Variants in ALDH16A1 observed in about 807,000 individuals in gnomAD.
The protein encoded by ALDH16A1 is aldehyde dehydrogenase family 16 member A1.
In ALDH16A1, 88 loss-of-function variants were observed where a neutral mutation model predicts 96.1. That is an observed-to-expected ratio of 0.92 (90% confidence interval 0.77 to 1.09). ALDH16A1 has a LOEUF of 1.09. ALDH16A1 is among the 50% of genes least tolerant of loss of function. The pLI is 0.00. For synonymous variants in ALDH16A1, 522 were observed against 496.4 expected (o/e 1.05, Z -0.69); for missense variants, 1,250 against 1,112.6 (o/e 1.12, Z -1.76).
At position 49,466,912 on chromosome 19, in the gene ALDH16A1, C is replaced by T. The variant is rs867121121; in HGVS notation, c.1938+629C>T. On this transcript the variant is annotated intron_variant, in intron 14 of 16. Transcript: ENST00000293350. ...CCTGGCCAGACATGGTGGCTCACGCCTGTAATCCTAGCACTTTGGGAGGCA... is the reference window on the plus strand; with the variant it reads ...CCTGGCCAGACATGGTGGCTCACGCTTGTAATCCTAGCACTTTGGGAGGCA... 3.3e-5 allele frequency among the ~76,000 whole-genome samples: 5 copies of T among 151,900 alleles called. No homozygotes were observed. In the South Asian group the frequency reaches 8.3e-4, roughly 25 times the overall value.
In ALDH16A1 at chr19:49,462,006, C is replaced by T. The variant is rs752529518; in HGVS notation, c.882C>T (p.Val294=). 1.4e-5 allele frequency: 22 copies of T among 1,544,522 alleles called. No individual in the cohort carries two copies. Among genetic ancestry groups the T allele is most frequent in the African/African-American group, 4.1e-5 (3 of 73,104 alleles). The change falls in exon 7 of 17, where the codon GTC becomes GTT. Residue 294 remains valine (V), a synonymous_variant. Coordinates refer to ENST00000293350, the MANE Select transcript of ALDH16A1 (RefSeq NM_153329.4). ...TADVDSAVEG[V]VDAAWSDRGP... is the part of the protein sequence containing the mutation. ...ACGTAGACTCGGCCGTGGAGGGTGTCGTGGACGCCGCCTGGTCCGACCGCG... is the reference window on the plus strand; with the variant it reads ...ACGTAGACTCGGCCGTGGAGGGTGTTGTGGACGCCGCCTGGTCCGACCGCG...
chr19:49,458,008 G>C (rs1234794970), intron 1 of ALDH16A1, among the ~76,000 whole-genome samples: 1 of 152,062 alleles, frequency 6.6e-6, no homozygotes, highest in Non-Finnish European at 1.5e-5. Flanking sequence ...GAGGTCAGGA[G>C]TTCAAGACCA....
At position 49,453,229 on chromosome 19, in the gene ALDH16A1, C is replaced by G; in HGVS notation, c.-103C>G. The G allele has an allele frequency of 2.8e-6, 3 of 1,062,194 alleles. No homozygotes were observed. Among genetic ancestry groups the G allele is most frequent in the Non-Finnish European group, 4.0e-6 (3 of 752,848 alleles). 65.8% of individuals were successfully genotyped at this position (1,062,194 alleles called of 1,614,324 possible). A position where few individuals can be genotyped will look rare whatever the true frequency, so the allele number is the denominator to read the frequency against. ...TAGCCCCACCCCATTCCCATTAGCCCCGCCCCTTTGGGCTGGAACCGGAGG... is the reference window on the plus strand; with the variant it reads ...TAGCCCCACCCCATTCCCATTAGCCGCGCCCCTTTGGGCTGGAACCGGAGG... On this transcript the variant is annotated 5_prime_UTR_variant, in exon 1 of 17. Transcript: ENST00000293350.
intron 1 of ALDH16A1, among the ~76,000 whole-genome samples, chr19:49,456,515 G>A (rs147362951): frequency 0.02 from 2,997 of 152,242 alleles, 77 homozygotes; most frequent in Admixed American, 0.072. Flanking sequence ...CTCCTGACTA[G>A]CTGAGACTAC....
At chr19:49,453,500 T>A in intron 1 of ALDH16A1, 79 bp downstream of exon 1, 6 of 1,309,824 alleles carry the variant, frequency 4.6e-6, no homozygotes, top group Non-Finnish European at 6.2e-6. Flanking sequence ...AGTCCCGTCA[T>A]CCACTGCGGT....
In ALDH16A1 at chr19:49,465,849, G is replaced by C. The variant is rs1193556835; in HGVS notation, c.1680G>C (p.Glu560Asp). Residue 560 changes from glutamate to aspartate, a missense_variant, in exon 13 of 17, where the codon GAG (glutamate) becomes GAC (aspartate). Coordinates refer to ENST00000293350, the MANE Select transcript of ALDH16A1 (RefSeq NM_153329.4). ...GCAACCTCCATGGCTACGTGGCTGA[G>C]GGTGGAGCCAAGGACATCCGAGGTG... ...SSGNLHGYVAEGGAKDIRGAV... is the reference protein window; with the variant it reads ...SSGNLHGYVADGGAKDIRGAV... 6.2e-7 allele frequency: 1 copy of C among 1,614,114 alleles called. No homozygotes were observed. Among genetic ancestry groups the C allele is most frequent in the South Asian group, 1.1e-5 (1 of 91,086 alleles).
chr19:49,460,996 G>A (rs137875469), intron 5 of ALDH16A1, 97 bp downstream of exon 5: 3 of 1,333,794 alleles, frequency 2.2e-6, no homozygotes, highest in Non-Finnish European at 3.2e-6. Flanking sequence ...GGGGCTGGAG[G>A]CCTGGACTCT....
Position 49,464,227 on chromosome 19 carries a change from G to A in ALDH16A1, c.1295G>A (p.Ser432Asn), listed in dbSNP as rs199807886. The stretch of plus-strand genomic sequence containing the variant: ...CGCGGGGGCAGCGCCAGTGTGTGGA[G>A]CGAGAGGCTGGGGCAGGCGCTGGAG... Reference protein sequence around the residue: ...TPRGGSASVWSERLGQALELG... With the variant: ...TPRGGSASVWNERLGQALELG... The change falls in exon 10 of 17, where the codon AGC becomes AAC. Residue 432 changes from serine (S) to asparagine (N), a missense_variant. Transcript: ENST00000293350. 2.2e-5 allele frequency: 36 copies of A among 1,604,418 alleles called. No homozygotes were observed. The highest frequency in any genetic ancestry group is 3.3e-5 in the Admixed American group (2 of 59,862).
chr19:49,459,229 C>A lies in ALDH16A1; in HGVS notation c.320+143C>A, dbSNP rs936583729. The stretch of plus-strand genomic sequence containing the variant: ...ATTCCCAGTATGTGCTGGAGGCAGT[C>A]GTGGCTGAAACATGCATCCGTTGTC... On this transcript the variant is annotated intron_variant, in intron 3 of 16. Transcript: ENST00000293350. This position sits in a 1 kb window ranked among gnomAD's most constrained non-coding sequence, Gnocchi z 4.1. The A allele has an allele frequency of 7.5e-7, 1 of 1,333,238 alleles. No homozygotes were observed. Among genetic ancestry groups the A allele is most frequent in the Non-Finnish European group, 1.0e-6 (1 of 995,942 alleles). The allele number at this position is 1,333,238 out of a possible 1,614,324, so 82.6% of individuals were successfully genotyped here.
rs1355645500 is a variant in ALDH16A1 at position 49,466,083 on chromosome 19, T to C, written c.1738T>C (p.Trp580Arg). 2 of 1,541,960 alleles carry C rather than the reference T, an allele frequency of 1.3e-6. No homozygotes were observed. The highest frequency in any genetic ancestry group is 3.9e-5 in the Admixed American group (2 of 50,840). The change falls in exon 14 of 17, where the codon TGG (tryptophan) becomes CGG (arginine). Residue 580 changes from tryptophan to arginine, a missense_variant and splice_region_variant. Transcript: ENST00000293350. ...VEAAHQAFPG[W>R]AGQSPGARAA... ...CCACTGTGCGCTGTCTGCCCACAGC[T>C]GGGCGGGCCAGTCCCCAGGAGCCCG...
chr19:49,453,243 T>A lies in ALDH16A1; in HGVS notation c.-89T>A. ...TCCCATTAGCCCCGCCCCTTTGGGC[T>A]GGAACCGGAGGTGTCGCTCTTCGGA... On this transcript the variant is annotated 5_prime_UTR_variant, in exon 1 of 17. Coordinates refer to ENST00000293350, the MANE Select transcript of ALDH16A1 (RefSeq NM_153329.4). 8.1e-7 allele frequency: 1 copy of A among 1,227,596 alleles called. No individual in the cohort carries two copies. Among genetic ancestry groups the A allele is most frequent in the South Asian group, 1.5e-5 (1 of 67,400 alleles). The allele number at this position is 1,227,596 out of a possible 1,614,324, so 76.0% of individuals were successfully genotyped here.
At chr19:49,461,557 G>C in intron 5 of ALDH16A1, 62 bp from the exon 6 acceptor site, 1 of 1,184,444 alleles carries the variant, frequency 8.4e-7, no homozygotes, top group African/African-American at 1.6e-5. Context: ...CAGATTCCTG[G>C]GTCTGAGGGA....
chr19:49,468,708 A>C lies in ALDH16A1; in HGVS notation c.2124+142A>C. ...CCCCAGCCCCAGCACCCAAACCTTC[A>C]CTCCTTGGGGACCCAGTGCCCATTC... is the stretch of plus-strand genomic sequence containing the variant. On this transcript the variant is annotated intron_variant, in intron 15 of 16. Coordinates refer to ENST00000293350, the MANE Select transcript of ALDH16A1 (RefSeq NM_153329.4). This position sits in a 1 kb window ranked among gnomAD's most constrained non-coding sequence, Gnocchi z 4.4. The C allele has an allele frequency of 7.4e-7, 1 of 1,348,262 alleles. No homozygotes were observed. Among genetic ancestry groups the C allele is most frequent in the South Asian group, 1.4e-5 (1 of 73,328 alleles). 83.5% of individuals were successfully genotyped at this position (1,348,262 alleles called of 1,614,324 possible).
In ALDH16A1 at chr19:49,453,907, C is replaced by T. The variant is rs1055212306; in HGVS notation, c.90+486C>T. Among the ~76,000 whole-genome samples the T allele has an allele frequency of 2.6e-5, 4 of 152,236 alleles. No homozygotes were observed. In the South Asian group the frequency reaches 8.3e-4, roughly 32 times the overall value. On this transcript the variant is annotated intron_variant, in intron 1 of 16. Coordinates refer to ENST00000293350, the MANE Select transcript of ALDH16A1 (RefSeq NM_153329.4). ...TTTGATTACCCAGAGACCTTCAGAA[C>T]TTCCATGGAGCCCCCGTGATCCCAT... is the stretch of plus-strand genomic sequence containing the variant.
In ALDH16A1 at chr19:49,470,572, ACT is replaced by A; in HGVS notation, c.*110_*111del. On this transcript the variant is annotated 3_prime_UTR_variant, in exon 17 of 17. Transcript: ENST00000293350. ...TTCTGGTTCCTGTGTCTCCCAATAA[ACT>A]CTCTGACCAACCCTAGCTGTGCTTC... is the stretch of plus-strand genomic sequence containing the variant. 7.8e-7 allele frequency: 1 copy of A among 1,287,636 alleles called. No individual in the cohort carries two copies. The highest frequency in any genetic ancestry group is 1.0e-6 in the Non-Finnish European group (1 of 981,100). 79.8% of individuals were successfully genotyped at this position (1,287,636 alleles called of 1,614,324 possible). A position where few individuals can be genotyped will look rare whatever the true frequency, so the allele number is the denominator to read the frequency against.
At position 49,470,442 on chromosome 19, in the gene ALDH16A1, C is replaced by G. The variant is rs1198406778; in HGVS notation, c.2384C>G (p.Ala795Gly). ...ELGLRVARTK[A>G]LWLPMGD is the part of the protein sequence containing the mutation. Reference sequence around the variant, plus strand: ...GGGCTGCGAGTGGCGCGGACCAAGGCCCTGTGGCTGCCTATGGGGGACTGA... The same window carrying G: ...GGGCTGCGAGTGGCGCGGACCAAGGGCCTGTGGCTGCCTATGGGGGACTGA... Residue 795 changes from alanine to glycine, a missense_variant, in exon 17 of 17, where the codon GCC (alanine) becomes GGC (glycine). Physicochemically the swap from Ala to Gly is moderately conservative, Grantham distance 60 (BLOSUM62 0). Coordinates refer to ENST00000293350, the MANE Select transcript of ALDH16A1 (RefSeq NM_153329.4). The G allele has an allele frequency of 6.3e-7, 1 of 1,599,784 alleles. No homozygotes were observed. The highest frequency in any genetic ancestry group is 2.2e-5 in the East Asian group (1 of 44,626).
rs369462963 is a variant in ALDH16A1, at chr19:49,461,656, G to A, written c.615G>A (p.Pro205=). The change falls in exon 6 of 17, where the codon CCG becomes CCA. Residue 205 remains proline, a synonymous_variant. Coordinates refer to ENST00000293350, the MANE Select transcript of ALDH16A1 (RefSeq NM_153329.4). Reference sequence around the variant, plus strand: ...TGGCCCTCGTGCCCCCGGCCTCCCCGGCGCCCCTCCTCCTGGCCCAGCTGG... The same window carrying A: ...TGGCCCTCGTGCCCCCGGCCTCCCCAGCGCCCCTCCTCCTGGCCCAGCTGG... ...TVVALVPPAS[P]APLLLAQLAG... 31 of 1,603,882 alleles carry A rather than the reference G, an allele frequency of 1.9e-5. No homozygotes were observed. Among genetic ancestry groups the A allele is most frequent in the East Asian group, 4.5e-5 (2 of 44,340 alleles).
intron 16 of ALDH16A1, 174 bp downstream of exon 16, chr19:49,469,160 T>A (rs558342967): frequency 2.5e-4 from 247 of 969,070 alleles, no homozygotes; most frequent in African/African-American, 1.9e-3. Context: ...GAAGAGGCTG[T>A]CCTTAGCAAC....
intron 1 of ALDH16A1, 104 bp downstream of exon 1, chr19:49,453,525 G>T (rs2079085239): frequency 8.3e-6 from 9 of 1,078,850 alleles, no homozygotes; most frequent in Non-Finnish European, 1.2e-5. Flanking sequence ...CAGCCGCTCC[G>T]CCTCTCTTAG....
Sources: allele counts gnomAD v4.1 joint callset (sites outside exome capture counted in the v4.1 genomes callset), GRCh38; gene constraint gnomAD v4.1.1; non-coding constraint Gnocchi (gnomAD v3.1); transcripts MANE v1.5; gene names NCBI Gene and HGNC (gene_info 2026-07-23, HGNC 2026-07-21).